Variants in CTTNBP2 observed in about 807,000 individuals in gnomAD.
CTTNBP2 encodes cortactin binding protein 2, also known as cortactin-binding protein 2.
Under a neutral mutation model 156.9 loss-of-function variants are expected in CTTNBP2, and 108 were observed. That is an observed-to-expected ratio of 0.69 (90% CI 0.59 to 0.81). The LOEUF is 0.81. Ranked by LOEUF, CTTNBP2 falls within the 30% of genes least tolerant of loss-of-function variation. The pLI, the probability that CTTNBP2 is intolerant of heterozygous loss-of-function variation, is 0.00. For synonymous variants in CTTNBP2, 767 were observed against 751.8 expected (o/e 1.02, Z -0.33); for missense variants, 1,924 against 2,035.4 (o/e 0.95, Z 1.05).
At chr7:117,853,911 T>C (rs1178900825) in intron 2 of CTTNBP2, among the ~76,000 whole-genome samples, 1 of 152,226 alleles carries the variant, frequency 6.6e-6, no homozygotes, top group East Asian at 1.9e-4. Flanking sequence ...CATTTTCTAA[T>C]ATATGGAAAA....
intron 3 of CTTNBP2, among the ~76,000 whole-genome samples, chr7:117,793,836 T>C (rs1195076239): frequency 6.6e-6 from 1 of 152,216 alleles, no homozygotes; most frequent in Non-Finnish European, 1.5e-5. Flanking sequence ...CTTTCTAATA[T>C]ACACAAAAGC....
At chr7:117,777,437 T>C in intron 8 of CTTNBP2, 74 bp downstream of exon 8, 1 of 1,475,152 alleles carries the variant, frequency 6.8e-7, no homozygotes, top group South Asian at 1.3e-5. Flanking sequence ...TTAAGTGCAC[T>C]TAATCTATAG....
intron 2 of CTTNBP2, among the ~76,000 whole-genome samples, chr7:117,821,806 G>A (rs932978671): frequency 1.3e-5 from 2 of 151,910 alleles, no homozygotes; most frequent in African/African-American, 2.4e-5. Context: ...TAGCCAGGAT[G>A]GTCTCGATCT....
chr7:117,745,962 C>T (rs539504460), intron 13 of CTTNBP2, 32 bp from the exon 14 acceptor site: 50 of 1,610,618 alleles, frequency 3.1e-5, no homozygotes, highest in Admixed American at 6.7e-5. Context: ...ATTAGTTCTA[C>T]GCACTTGCCA....
intron 14 of CTTNBP2, among the ~76,000 whole-genome samples, chr7:117,735,853 T>C (rs981060529): frequency 6.6e-6 from 1 of 152,170 alleles, no homozygotes; most frequent in Admixed American, 6.5e-5. Context: ...AAATCTATAA[T>C]TTAGGGATTC....
chr7:117,789,832 GT>G (rs1023991210), intron 4 of CTTNBP2, among the ~76,000 whole-genome samples: 3 of 152,130 alleles, frequency 2.0e-5, no homozygotes, highest in African/African-American at 7.2e-5. Flanking sequence ...ATGCACAATT[GT>G]AAATGGCAGA....
intron 14 of CTTNBP2, among the ~76,000 whole-genome samples, chr7:117,741,596 T>C (rs930856119): frequency 3.3e-5 from 5 of 152,232 alleles, no homozygotes; most frequent in Non-Finnish European, 5.9e-5. Context: ...ACCACAGTCA[T>C]GTGATATGAA....
chr7:117,791,524 GAGA>G lies in CTTNBP2; in HGVS notation c.1669_1671del (p.Ser557del), dbSNP rs1563010721. On this transcript the variant is annotated inframe_deletion, in exon 4 of 23. Transcript: ENST00000160373. The stretch of plus-strand genomic sequence containing the variant: ...ATAACCTTGAGTTGGGGGTGTGGTG[GAGA>G]AGGAGTTTGGGAGAGCCCTGGCTTT... 3.1e-6 allele frequency: 5 copies of G among 1,614,142 alleles called. No individual in the cohort carries two copies. In the Middle Eastern group the frequency reaches 8.2e-4, roughly 266 times the overall value.
At chr7:117,784,050 C>T (rs970229747) in intron 5 of CTTNBP2, among the ~76,000 whole-genome samples, 7 of 152,084 alleles carry the variant, frequency 4.6e-5, no homozygotes, top group Admixed American at 4.6e-4. Flanking sequence ...TCTGGTAAAA[C>T]TTTACATTAA....
chr7:117,836,253 C>A (rs533885348), intron 2 of CTTNBP2, among the ~76,000 whole-genome samples: 1 of 152,290 alleles, frequency 6.6e-6, no homozygotes, highest in Admixed American at 6.5e-5. Flanking sequence ...CCTTCCACCC[C>A]ACTTTTCTTT....
At chr7:117,836,067 A>G (rs977137758) in intron 2 of CTTNBP2, among the ~76,000 whole-genome samples, 3 of 152,170 alleles carry the variant, frequency 2.0e-5, no homozygotes, top group Non-Finnish European at 4.4e-5. Context: ...AGGATAATTG[A>G]TATCTCCCTA....
At chr7:117,779,550 C>T (rs1798286496) in intron 7 of CTTNBP2, among the ~76,000 whole-genome samples, 1 of 151,860 alleles carries the variant, frequency 6.6e-6, no homozygotes, top group African/African-American at 2.4e-5. Flanking sequence ...TCATTTTTCA[C>T]TATAGAATTT....
chr7:117,791,032 T>TAA, intron 4 of CTTNBP2, 96 bp downstream of exon 4: 8 of 1,041,688 alleles, frequency 7.7e-6, no homozygotes, highest in Non-Finnish European at 9.8e-6. Flanking sequence ...GCATCAAATT[T>TAA]AAAAAAAAAG....
intron 2 of CTTNBP2, among the ~76,000 whole-genome samples, chr7:117,834,612 G>C (rs917644892): frequency 8.5e-5 from 13 of 152,092 alleles, no homozygotes; most frequent in African/African-American, 3.1e-4. Flanking sequence ...TAAATTGTTA[G>C]AATTCTAGTA....
At chr7:117,783,191 G>A (rs1798524969) in intron 5 of CTTNBP2, among the ~76,000 whole-genome samples, 1 of 152,060 alleles carries the variant, frequency 6.6e-6, no homozygotes, top group African/African-American at 2.4e-5. Flanking sequence ...GTGTGTGTGT[G>A]TGCATGCGCA....
At chr7:117,790,708 G>C (rs1798946004) in intron 4 of CTTNBP2, among the ~76,000 whole-genome samples, 1 of 152,008 alleles carries the variant, frequency 6.6e-6, no homozygotes, top group Non-Finnish European at 1.5e-5. Flanking sequence ...ATAATTACTT[G>C]AAAGGTCTTT....
At chr7:117,764,208 A>G (rs1584962998) in intron 9 of CTTNBP2, among the ~76,000 whole-genome samples, 1 of 152,250 alleles carries the variant, frequency 6.6e-6, no homozygotes, top group Non-Finnish European at 1.5e-5. Flanking sequence ...CAATCGTTCA[A>G]TTGTTCATTC....
At chr7:117,853,234 G>A (rs2117202850) in intron 2 of CTTNBP2, among the ~76,000 whole-genome samples, 1 of 152,298 alleles carries the variant, frequency 6.6e-6, no homozygotes, top group Non-Finnish European at 1.5e-5. Context: ...GGAGGTGGCT[G>A]TAGAAAAGAA....
In CTTNBP2 at chr7:117,806,735, C is replaced by T. The variant is rs940127828; in HGVS notation, c.414+4030G>A. ...CAGAGGTTTGGCTCATTTCTTTCTT[C>T]TTTTTCTCATTTTTTTTTTTTTTTT... On this transcript the variant is annotated intron_variant, in intron 3 of 22. Transcript: ENST00000160373. 9.3e-5 allele frequency among the ~76,000 whole-genome samples: 13 copies of T among 139,986 alleles called. No homozygotes were observed. In the South Asian group the frequency reaches 3.1e-3, roughly 34 times the overall value. 91.8% of individuals were successfully genotyped at this position (139,986 alleles called of 152,430 possible). A position where few individuals can be genotyped will look rare whatever the true frequency, so the allele number is the denominator to read the frequency against.
Sources: allele counts gnomAD v4.1 joint callset (sites outside exome capture counted in the v4.1 genomes callset), GRCh38; gene constraint gnomAD v4.1.1; transcripts MANE v1.5; gene names NCBI Gene and HGNC (gene_info 2026-07-23, HGNC 2026-07-21).